COG5: variants seen among roughly 807,000 people sequenced by gnomAD.
COG5 encodes component of oligomeric golgi complex 5, also known as conserved oligomeric Golgi complex subunit 5.
A neutral mutation model predicts 110.4 loss-of-function variants in COG5; 86 were observed. The observed-to-expected ratio is 0.78, with a 90% CI of 0.65 to 0.93. The LOEUF (loss-of-function observed/expected upper bound fraction) is 0.93. Among genes scored for constraint, COG5 ranks in the 40% least tolerant of loss-of-function variants. The pLI, the probability that COG5 is intolerant of heterozygous loss-of-function variation, is 0.00. For missense variants in COG5, 1,077 were observed against 987.0 expected (o/e 1.09, Z -1.22); for synonymous variants, 360 against 334.6 (o/e 1.08, Z -0.83).
At chr7:107,284,073 C>T (rs868578290) in intron 12 of COG5, among the ~76,000 whole-genome samples, 6 of 152,090 alleles carry the variant, frequency 3.9e-5, no homozygotes, top group Admixed American at 6.5e-5. Flanking sequence ...TACAGCTGCC[C>T]GCCACCATGC....
At chr7:107,451,751 A>G (rs1795355746) in intron 6 of COG5, among the ~76,000 whole-genome samples, 1 of 152,180 alleles carries the variant, frequency 6.6e-6, no homozygotes, top group African/African-American at 2.4e-5. Flanking sequence ...CATTTTCTTA[A>G]TAACATTTTC....
intron 3 of COG5, among the ~76,000 whole-genome samples, chr7:107,552,177 T>C (rs964261860): frequency 5.3e-5 from 8 of 152,192 alleles, no homozygotes; most frequent in Non-Finnish European, 8.8e-5. Context: ...ACACACTCAA[T>C]GTACTACCAT....
In COG5 at chr7:107,268,967, G is replaced by GTGA. The variant is rs1279076613; in HGVS notation, c.1576-10587_1576-10585dup. ...CCAGTTTAGTATATTTATATTTATTGTGATCAGTGATGTATATGTTGGAAT... is the reference window on the plus strand; with the variant it reads ...CCAGTTTAGTATATTTATATTTATTGTGATGATCAGTGATGTATATGTTGGAAT... On this transcript the variant is annotated intron_variant, in intron 14 of 21. Transcript: ENST00000297135. 4.7e-4 allele frequency among the ~76,000 whole-genome samples: 72 copies of GTGA among 152,086 alleles called. 1 individual carries two copies. The highest frequency in any genetic ancestry group is 1.6e-3 in the African/African-American group (67 of 41,482).
Position 107,437,240 on chromosome 7 carries a change from A to G in COG5, c.539-24608T>C, listed in dbSNP as rs183637491. Among the ~76,000 whole-genome samples the G allele has an allele frequency of 5.3e-5, 8 of 152,332 alleles. No homozygotes were observed. In the East Asian group the frequency reaches 1.4e-3, roughly 26 times the overall value. On this transcript the variant is annotated intron_variant, in intron 6 of 21. Transcript: ENST00000297135. ...ATTGTCACATGATTTCTTTCTGACTACGTCACCAAGTGCCCTTTCCTCTGC... is the reference window on the plus strand; with the variant it reads ...ATTGTCACATGATTTCTTTCTGACTGCGTCACCAAGTGCCCTTTCCTCTGC...
At chr7:107,439,948 T>C (rs763751719) in intron 6 of COG5, among the ~76,000 whole-genome samples, 5 of 152,202 alleles carry the variant, frequency 3.3e-5, no homozygotes, top group African/African-American at 7.2e-5. Flanking sequence ...TCTTGGATCA[T>C]TGTAATCGAC....
At chr7:107,515,363 A>G (rs1018429356) in intron 6 of COG5, among the ~76,000 whole-genome samples, 1 of 152,238 alleles carries the variant, frequency 6.6e-6, no homozygotes, top group Non-Finnish European at 1.5e-5. Flanking sequence ...TTCAGCCAAG[A>G]ACATTAAAAA....
chr7:107,449,513 TTG>T (rs1296634425), intron 6 of COG5, among the ~76,000 whole-genome samples: 6 of 152,234 alleles, frequency 3.9e-5, no homozygotes, highest in Admixed American at 3.9e-4. Flanking sequence ...CTCTCTAGTA[TTG>T]TGTTATCACA....
intron 6 of COG5, among the ~76,000 whole-genome samples, chr7:107,417,825 T>C (rs1792986630): frequency 6.6e-6 from 1 of 152,142 alleles, no homozygotes; most frequent in Non-Finnish European, 1.5e-5. Context: ...TGAGAATTTC[T>C]AAATAATTTT....
chr7:107,385,749 A>G (rs752526655), intron 7 of COG5, among the ~76,000 whole-genome samples: 25 of 152,094 alleles, frequency 1.6e-4, no homozygotes, highest in Admixed American at 4.6e-4. Flanking sequence ...AGAGTTATCA[A>G]CAACAGTGCA....
intron 7 of COG5, among the ~76,000 whole-genome samples, chr7:107,404,855 A>C (rs1173560868): frequency 2.0e-5 from 3 of 150,228 alleles, no homozygotes; most frequent in Non-Finnish European, 4.4e-5. Flanking sequence ...TGGAAAGTAA[A>C]GAGAGCGTAA....
In COG5 at chr7:107,428,727, T is replaced by C. The variant is rs561437731; in HGVS notation, c.539-16095A>G. Among the ~76,000 whole-genome samples the C allele has an allele frequency of 5.9e-5, 9 of 152,304 alleles. No individual in the cohort carries two copies. The South Asian group carries it at 1.9e-3, about 32-fold the overall frequency. On this transcript the variant is annotated intron_variant, in intron 6 of 21. Transcript: ENST00000297135. ...TTTTCTATCTTCAATCAACCCCCAA[T>C]TTAGGCCTGAAGCTATAGACCAAAA... is the stretch of plus-strand genomic sequence containing the variant.
chr7:107,362,783 T>A (rs1412462898), intron 8 of COG5, among the ~76,000 whole-genome samples: 1 of 151,258 alleles, frequency 6.6e-6, no homozygotes, highest in South Asian at 2.1e-4. Context: ...TGTATGCACA[T>A]GTGTGTGTAT....
chr7:107,528,872 T>C (rs1285019686), intron 5 of COG5, among the ~76,000 whole-genome samples: 1 of 152,070 alleles, frequency 6.6e-6, no homozygotes, highest in African/African-American at 2.4e-5. Context: ...GCCACACCCA[T>C]GCACTCACAA....
chr7:107,475,416 T>G, intron 6 of COG5: 1 of 820,356 alleles, frequency 1.2e-6, no homozygotes, highest in Non-Finnish European at 1.9e-6. Context: ...AAATTTAAAT[T>G]GTAAAAACTG....
chr7:107,256,168 G>GA (rs1802868297), intron 16 of COG5, among the ~76,000 whole-genome samples: 1 of 152,024 alleles, frequency 6.6e-6, no homozygotes, highest in African/African-American at 2.4e-5. Flanking sequence ...TGTTTGTATA[G>GA]AAAAAATGAG....
chr7:107,549,296 T>C (rs1258477532), intron 3 of COG5: 1 of 152,268 alleles, frequency 6.6e-6, no homozygotes, highest in Non-Finnish European at 1.5e-5. Context: ...CAGAAATCTA[T>C]GAGTTGCCGA....
chr7:107,405,304 G>A (rs1010124480), intron 7 of COG5, among the ~76,000 whole-genome samples: 1 of 152,182 alleles, frequency 6.6e-6, no homozygotes, highest in Non-Finnish European at 1.5e-5. Context: ...AACAGAGACT[G>A]AACAATGGTT....
intron 19 of COG5, among the ~76,000 whole-genome samples, chr7:107,223,651 C>T (rs940994882): frequency 5.9e-5 from 9 of 152,260 alleles, no homozygotes; most frequent in Admixed American, 3.9e-4. Context: ...TTCTGATTTT[C>T]CTGGATGATA....
chr7:107,309,400 A>C (rs1169536278), intron 11 of COG5, among the ~76,000 whole-genome samples: 1 of 152,106 alleles, frequency 6.6e-6, no homozygotes, highest in East Asian at 1.9e-4. Flanking sequence ...CACTTTAGGG[A>C]TCCATCTCAA....
Sources: allele counts gnomAD v4.1 joint callset (sites outside exome capture counted in the v4.1 genomes callset), GRCh38; gene constraint gnomAD v4.1.1; transcripts MANE v1.5; gene names NCBI Gene and HGNC (gene_info 2026-07-23, HGNC 2026-07-21).